Variants in MBOAT1 observed in about 807,000 individuals in gnomAD.
MBOAT1 encodes membrane bound glycerophospholipid O-acyltransferase 1.
In MBOAT1, 67 loss-of-function variants were observed where a neutral mutation model predicts 64.4. That is an observed-to-expected ratio of 1.04 (90% CI 0.85 to 1.27). The LOEUF (loss-of-function observed/expected upper bound fraction) is 1.27, where lower values mean the gene tolerates loss of function less well. Ranked by LOEUF, MBOAT1 falls within the 50% of genes most tolerant of loss-of-function variation. MBOAT1 has a pLI of 0.00. For synonymous variants in MBOAT1, 229 were observed against 218.9 expected (o/e 1.05, Z -0.41); for missense variants, 563 against 604.6 (o/e 0.93, Z 0.72).
Position 20,209,904 on chromosome 6 carries a change from T to C in MBOAT1, c.99+2232A>G, listed in dbSNP as rs569068562. Among the ~76,000 whole-genome samples, 7 of 152,296 alleles carry C rather than the reference T, an allele frequency of 4.6e-5. 1 individual carries two copies. The South Asian group carries it at 1.2e-3, about 27-fold the overall frequency. ...AGGGCTGAGGTTCTCTCTCTGATTCTTCATGACCTCCAGGCAGGTCCAGCT... is the reference window on the plus strand; with the variant it reads ...AGGGCTGAGGTTCTCTCTCTGATTCCTCATGACCTCCAGGCAGGTCCAGCT... On this transcript the variant is annotated intron_variant, in intron 1 of 12. Transcript: ENST00000324607.
intron 1 of MBOAT1, among the ~76,000 whole-genome samples, chr6:20,173,988 G>C (rs925558384): frequency 3.3e-5 from 5 of 152,096 alleles, no homozygotes; most frequent in Non-Finnish European, 5.9e-5. Flanking sequence ...AAACATGTAG[G>C]GGATGGGAAG....
chr6:20,114,753 G>A (rs61354368), intron 10 of MBOAT1, among the ~76,000 whole-genome samples: 3,421 of 152,078 alleles, frequency 0.022, 149 homozygotes, highest in African/African-American at 0.076. Context: ...GCTTGGTGAT[G>A]GATGCCTGTA....
chr6:20,133,369 A>G (rs16883402), intron 4 of MBOAT1, among the ~76,000 whole-genome samples: 2,380 of 152,314 alleles, frequency 0.016, 67 homozygotes, highest in African/African-American at 0.052. Flanking sequence ...TAAGGGCTAC[A>G]TTAAAGCTTT....
At chr6:20,131,631 G>C (rs1270707464) in intron 4 of MBOAT1, among the ~76,000 whole-genome samples, 2 of 152,182 alleles carry the variant, frequency 1.3e-5, no homozygotes, top group Non-Finnish European at 2.9e-5. Flanking sequence ...ACAGCCGTTG[G>C]AAAGAAACTT....
intron 8 of MBOAT1, among the ~76,000 whole-genome samples, chr6:20,119,301 G>A (rs1376433156): frequency 1.3e-5 from 2 of 151,840 alleles, no homozygotes; most frequent in East Asian, 3.9e-4. Context: ...TCTCCTGCCG[G>A]GAATATTTCA....
At chr6:20,195,619 G>A (rs930499710) in intron 1 of MBOAT1, among the ~76,000 whole-genome samples, 11 of 152,090 alleles carry the variant, frequency 7.2e-5, no homozygotes, top group Non-Finnish European at 1.5e-4. Flanking sequence ...GTGTGTGTGT[G>A]TGTGTGTGTG....
intron 1 of MBOAT1, among the ~76,000 whole-genome samples, chr6:20,204,742 ACTGTG>A (rs1223411538): frequency 6.6e-6 from 1 of 152,218 alleles, no homozygotes; most frequent in Non-Finnish European, 1.5e-5. Context: ...TAAAGAGTTC[ACTGTG>A]CTGAAAGCAC....
In MBOAT1 at chr6:20,126,609, C is replaced by G; in HGVS notation, c.622G>C (p.Ala208Pro). The G allele has an allele frequency of 1.2e-6, 2 of 1,613,806 alleles. No homozygotes were observed. The highest frequency in any genetic ancestry group is 1.7e-6 in the Non-Finnish European group (2 of 1,179,854). The change falls in exon 7 of 13, where the codon GCC (alanine) becomes CCC (proline). Residue 208 changes from alanine to proline, a missense_variant. Physicochemically the swap from Ala to Pro is conservative, Grantham distance 27. Coordinates refer to ENST00000324607, the MANE Select transcript of MBOAT1 (RefSeq NM_001080480.3). ...TGTATATGCTTCCCCTCAATGAAGG[C>G]TATGTAGTCCTTGAAATTGTTACAA... ...GPCNNFKDYIAFIEGKHIHMK... is the reference protein window; with the variant it reads ...GPCNNFKDYIPFIEGKHIHMK...
At chr6:20,118,632 G>C (rs1025179234) in intron 8 of MBOAT1, 92 bp from the exon 9 acceptor site, 4 of 994,002 alleles carry the variant, frequency 4.0e-6, no homozygotes, top group East Asian at 2.5e-5. Context: ...CTTCAAGATG[G>C]AGAAATATGC....
chr6:20,161,460 G>A (rs1304444061), intron 1 of MBOAT1, among the ~76,000 whole-genome samples: 1 of 151,842 alleles, frequency 6.6e-6, no homozygotes, highest in Non-Finnish European at 1.5e-5. Context: ...TGGAAAAATT[G>A]TCTTCCACAA....
chr6:20,106,660 A>G (rs2981849), intron 12 of MBOAT1, among the ~76,000 whole-genome samples: 107,403 of 152,048 alleles, frequency 0.71, 38,298 homozygotes, highest in African/African-American at 0.8. Context: ...CTGACCTCAT[A>G]ATCCACTTGC....
At chr6:20,144,584 A>G (rs73729904) in intron 3 of MBOAT1, among the ~76,000 whole-genome samples, 3,541 of 152,226 alleles carry the variant, frequency 0.023, 138 homozygotes, top group African/African-American at 0.079. Context: ...GCTCCCTGCT[A>G]TTCCTGTTTA....
At chr6:20,173,628 G>C (rs1762261972) in intron 1 of MBOAT1, among the ~76,000 whole-genome samples, 1 of 152,174 alleles carries the variant, frequency 6.6e-6, no homozygotes, top group Non-Finnish European at 1.5e-5. Context: ...GCAGAGCTAG[G>C]CAGTGCAAGT....
intron 1 of MBOAT1, among the ~76,000 whole-genome samples, chr6:20,190,552 T>C (rs1020256964): frequency 6.6e-6 from 1 of 152,144 alleles, no homozygotes; most frequent in African/African-American, 2.4e-5. Context: ...TTTCACTCAG[T>C]ATGATTAATA....
intron 3 of MBOAT1, among the ~76,000 whole-genome samples, chr6:20,149,675 T>A (rs1761432472): frequency 1.3e-5 from 2 of 152,174 alleles, no homozygotes; most frequent in Non-Finnish European, 2.9e-5. Flanking sequence ...TGATTAGAAT[T>A]CGAATTTTCA....
At chr6:20,107,173 T>A (rs904251126) in intron 12 of MBOAT1, among the ~76,000 whole-genome samples, 3 of 152,158 alleles carry the variant, frequency 2.0e-5, no homozygotes, top group African/African-American at 7.2e-5. Context: ...CACCCTCTCT[T>A]GAGTCTCCAC....
rs143520373 is a variant in MBOAT1, at chr6:20,112,994, C to T, written c.1091G>A (p.Arg364Gln). Residue 364 changes from arginine to glutamine, a missense_variant, in exon 11 of 13, where the codon CGG (arginine) becomes CAG (glutamine). Physicochemically the swap from Arg to Gln is conservative, Grantham distance 43 (BLOSUM62 1). Transcript: ENST00000324607. Reference sequence around the variant, plus strand: ...TAGCACCGTGGGGTACCATGGAACCCGCTGATAGCACACACTGTGAAGAGA... The same window carrying T: ...TAGCACCGTGGGGTACCATGGAACCTGCTGATAGCACACACTGTGAAGAGA... ...ATWLKCVCYQRVPWYPTVLTF... is the reference protein window; with the variant it reads ...ATWLKCVCYQQVPWYPTVLTF... 32 of 1,613,852 alleles carry T rather than the reference C, an allele frequency of 2.0e-5. No homozygotes were observed. Among genetic ancestry groups the T allele is most frequent in the Non-Finnish European group, 2.3e-5 (27 of 1,179,874 alleles).
At chr6:20,102,874 C>T (rs1006989103) in intron 12 of MBOAT1, among the ~76,000 whole-genome samples, 6 of 152,124 alleles carry the variant, frequency 3.9e-5, no homozygotes, top group African/African-American at 7.2e-5. Flanking sequence ...CACCTAGTGA[C>T]GTCGTAGCCA....
At chr6:20,182,783 C>T (rs1016906875) in intron 1 of MBOAT1, among the ~76,000 whole-genome samples, 2 of 152,154 alleles carry the variant, frequency 1.3e-5, no homozygotes, top group African/African-American at 2.4e-5. Flanking sequence ...AGGTCCATAT[C>T]GACACCTCCA....
Sources: allele counts gnomAD v4.1 joint callset (sites outside exome capture counted in the v4.1 genomes callset), GRCh38; gene constraint gnomAD v4.1.1; transcripts MANE v1.5; gene names NCBI Gene and HGNC (gene_info 2026-07-23, HGNC 2026-07-21).